Variants in PADI6 observed in about 807,000 individuals in gnomAD.
PADI6 encodes peptidyl arginine deiminase 6.
PADI6 carries 66 observed loss-of-function variants against 78.2 expected under a neutral mutation model. That is an observed-to-expected ratio of 0.84 (90% CI 0.69 to 1.04). The LOEUF (loss-of-function observed/expected upper bound fraction) is 1.04. PADI6 is among the 50% of genes least tolerant of loss of function. The pLI is 0.00. For synonymous variants in PADI6, 397 were observed against 346.9 expected (o/e 1.14, Z -1.60); for missense variants, 854 against 866.1 (o/e 0.99, Z 0.18).
chr1:17,380,595 T>C (rs2075063155), intron 4 of PADI6, among the ~76,000 whole-genome samples: 1 of 152,126 alleles, frequency 6.6e-6, no homozygotes, highest in African/African-American at 2.4e-5. Flanking sequence ...GGTCTCGAAA[T>C]CCTGATCTCC....
chr1:17,401,321 C>CAA lies in PADI6; in HGVS notation c.1969_1970dup (p.Cys658SerfsTer12). 6.2e-7 allele frequency: 1 copy of CAA among 1,614,084 alleles called. No homozygotes were observed. Among genetic ancestry groups the CAA allele is most frequent in the Non-Finnish European group, 8.5e-7 (1 of 1,179,916 alleles). ...GCTGCTTGCTGGAGCCCCTGGGCTT[C>CAA]AAGTGCACCTTCATCAATGACTTTG... On this transcript the variant is annotated frameshift_variant, in exon 16 of 16. Transcript: ENST00000619609. LOFTEE classifies it high-confidence loss of function.
At chr1:17,375,923 C>T (rs2075011365) in intron 3 of PADI6, among the ~76,000 whole-genome samples, 1 of 152,100 alleles carries the variant, frequency 6.6e-6, no homozygotes, top group Non-Finnish European at 1.5e-5. Context: ...GCCACCCTTC[C>T]CCGCCCTCTA....
chr1:17,401,567 GC>G lies in PADI6; in HGVS notation c.*133del, dbSNP rs1277192407. 5.7e-6 allele frequency: 5 copies of G among 871,250 alleles called. No individual in the cohort carries two copies. The African/African-American group carries it at 8.5e-5, about 15-fold the overall frequency. 54.0% of individuals were successfully genotyped at this position (871,250 alleles called of 1,614,324 possible). A position where few individuals can be genotyped will look rare whatever the true frequency, so the allele number is the denominator to read the frequency against. ...CAACAGAACCCTTTCTTCCCTGTCTGCCCCGACCGACCCTCGGACCCAGTAG... is the reference window on the plus strand; with the variant it reads ...CAACAGAACCCTTTCTTCCCTGTCTGCCCGACCGACCCTCGGACCCAGTAG... On this transcript the variant is annotated 3_prime_UTR_variant, in exon 16 of 16. Transcript: ENST00000619609.
At chr1:17,393,885 A>C (rs1021851320) in intron 9 of PADI6, 90 bp from the exon 10 acceptor site, 3 of 1,160,150 alleles carry the variant, frequency 2.6e-6, no homozygotes, top group Non-Finnish European at 3.8e-6. Context: ...AGTTGGCAGG[A>C]AGGAAGGGGG....
chr1:17,398,326 T>C (rs2075266454), intron 14 of PADI6, among the ~76,000 whole-genome samples: 1 of 152,104 alleles, frequency 6.6e-6, no homozygotes, highest in Admixed American at 6.5e-5. Flanking sequence ...TGAAGCCTAT[T>C]TCAAGACCTA....
chr1:17,382,183 G>C, intron 6 of PADI6, 91 bp downstream of exon 6: 1 of 1,482,872 alleles, frequency 6.7e-7, no homozygotes, highest in Non-Finnish European at 9.2e-7. Context: ...GTCCCCAGCA[G>C]AAGCCTGCTG....
intron 13 of PADI6, among the ~76,000 whole-genome samples, chr1:17,395,987 T>C (rs906565953): frequency 6.6e-6 from 1 of 152,120 alleles, no homozygotes; most frequent in African/African-American, 2.4e-5. Context: ...TTGGATTAAG[T>C]ATCTAGGGAC....
chr1:17,395,297 G>C (rs973839415), intron 12 of PADI6, among the ~76,000 whole-genome samples, 190 bp downstream of exon 12: 1 of 151,254 alleles, frequency 6.6e-6, no homozygotes, highest in Non-Finnish European at 1.5e-5. Flanking sequence ...ACTGCCTCCC[G>C]GACTCAAGCA....
At chr1:17,382,166 C>CA in intron 6 of PADI6, 74 bp downstream of exon 6, 1 of 1,551,058 alleles carries the variant, frequency 6.4e-7, no homozygotes, top group Non-Finnish European at 8.8e-7. Context: ...CACCTCCTCC[C>CA]AGCAAGGTCC....
At chr1:17,390,828 A>G (rs956746454) in intron 8 of PADI6, among the ~76,000 whole-genome samples, 1 of 152,166 alleles carries the variant, frequency 6.6e-6, no homozygotes, top group Non-Finnish European at 1.5e-5. Flanking sequence ...CGGGTTTCTC[A>G]CTCACAGGAG....
intron 8 of PADI6, among the ~76,000 whole-genome samples, chr1:17,391,070 C>T (rs1466174454): frequency 6.6e-6 from 1 of 152,108 alleles, no homozygotes; most frequent in African/African-American, 2.4e-5. Context: ...ATGTGCTATG[C>T]CAGTAGTTAC....
chr1:17,389,550 G>A (rs1351351153), intron 8 of PADI6, among the ~76,000 whole-genome samples: 2 of 152,218 alleles, frequency 1.3e-5, no homozygotes, highest in Admixed American at 1.3e-4. Flanking sequence ...GCTGCTAGTG[G>A]TCTGGAAGTC....
Position 17,398,734 on chromosome 1 carries a change from G to C in PADI6, c.1738G>C (p.Val580Leu). The change falls in exon 15 of 16, where the codon GTG (valine) becomes CTG (leucine). Residue 580 changes from valine (V) to leucine (L), a missense_variant. By Grantham distance (32) the Val-to-Leu change is conservative (BLOSUM62 1). Transcript: ENST00000619609. ...CATCCTGAAGACGGAGCTGGGCCTG[G>C]TGGAACAGGACATCATCGAGATTCC... ...RDILKTELGL[V>L]EQDIIEIPQL... 1 of 1,584,500 alleles carries C rather than the reference G, an allele frequency of 6.3e-7. No homozygotes were observed. The highest frequency in any genetic ancestry group is 8.6e-7 in the Non-Finnish European group (1 of 1,165,836).
At position 17,401,189 on chromosome 1, in the gene PADI6, C is replaced by A. The variant is rs990784809; in HGVS notation, c.1852-16C>A. 3 of 1,612,336 alleles carry A rather than the reference C, an allele frequency of 1.9e-6. No individual in the cohort carries two copies. The African/African-American group carries it at 4.0e-5, about 22-fold the overall frequency. The stretch of plus-strand genomic sequence containing the variant: ...TGATCCCTGTCCAGGCCTCACCCAC[C>A]CTGTCTTTCTAACAGTTGCGGATGA... On this transcript the variant is annotated splice_polypyrimidine_tract_variant and intron_variant, in intron 15 of 15. Transcript: ENST00000619609.
At chr1:17,399,739 A>G (rs549133187) in intron 15 of PADI6, among the ~76,000 whole-genome samples, 168 of 138,302 alleles carry the variant, frequency 1.2e-3, no homozygotes, top group African/African-American at 4.5e-3. Context: ...TAAAAAAAAG[A>G]AAAAAAAAAT....
chr1:17,380,480 G>GC lies in PADI6; in HGVS notation c.435+495dup, dbSNP rs1038979147. Among the ~76,000 whole-genome samples, 15 of 152,318 alleles carry GC rather than the reference G, an allele frequency of 9.8e-5. 2 individuals are homozygous for GC. Among genetic ancestry groups the GC allele is most frequent in the Non-Finnish European group, 1.3e-4 (9 of 68,022 alleles). The stretch of plus-strand genomic sequence containing the variant: ...TCTCCCAGGTTCACGCCATTCTCCT[G>GC]CCTCAGCCTGCCGAGTAGCTGGGAC... On this transcript the variant is annotated intron_variant, in intron 4 of 15. Coordinates refer to ENST00000619609, the MANE Select transcript of PADI6 (RefSeq NM_207421.4).
chr1:17,386,255 CACCT>C (rs1217734132), intron 6 of PADI6, among the ~76,000 whole-genome samples: 1 of 152,188 alleles, frequency 6.6e-6, no homozygotes, highest in Non-Finnish European at 1.5e-5. Context: ...GAGCCTGAAA[CACCT>C]ACCACAGCTC....
chr1:17,394,210 G>A, intron 10 of PADI6, 90 bp from the exon 11 acceptor site: 1 of 1,566,218 alleles, frequency 6.4e-7, no homozygotes, highest in Non-Finnish European at 8.8e-7. Flanking sequence ...GGACGTGGAA[G>A]TCTACCTGAG....
At chr1:17,383,165 C>T (rs1557600032) in intron 6 of PADI6, among the ~76,000 whole-genome samples, 2 of 152,332 alleles carry the variant, frequency 1.3e-5, no homozygotes, top group East Asian at 3.9e-4. Context: ...TGTGCCTCTT[C>T]TCAGAGGGCA....
Sources: gnomAD v4.1 joint callset for allele counts (sites outside exome capture counted in the v4.1 genomes callset) on GRCh38, gnomAD v4.1.1 for gene constraint, MANE v1.5 for transcripts, NCBI Gene and HGNC (gene_info 2026-07-23, HGNC 2026-07-21) for gene names.